Variants in KCTD17 observed in about 807,000 individuals in gnomAD.
KCTD17 encodes BTB/POZ domain-containing protein KCTD17.
KCTD17 carries 20 observed loss-of-function variants against 41.5 expected under a neutral mutation model. The observed-to-expected ratio is 0.48, with a 90% confidence interval of 0.34 to 0.70. KCTD17 has a LOEUF of 0.70. Ranked by LOEUF, KCTD17 falls within the 30% of genes least tolerant of loss-of-function variation. The pLI is 0.01. For synonymous variants in KCTD17, 156 were observed against 173.8 expected, an observed-to-expected ratio of 0.90 and a Z score of 0.80; for missense variants, 317 against 427.2, an observed-to-expected ratio of 0.74 and a Z score of 2.27.
In KCTD17 at chr22:37,061,713, G is replaced by T; in HGVS notation, c.875+84G>T. ...ATCCTTGGACTTGAGCCGAGCTTTC[G>T]GCTGATTATCTCCACCCACCAAAGT... is the stretch of plus-strand genomic sequence containing the variant. On this transcript the variant is annotated intron_variant, in intron 8 of 8. Transcript: ENST00000403888. The surrounding 1 kb of genome is among the most constrained non-coding windows in gnomAD (Gnocchi z 6.6). 6.7e-7 allele frequency: 1 copy of T among 1,497,996 alleles called. No individual in the cohort carries two copies. Among genetic ancestry groups the T allele is most frequent in the Non-Finnish European group, 8.9e-7 (1 of 1,119,670 alleles). The allele number at this position is 1,497,996 out of a possible 1,614,324, so 92.8% of individuals were successfully genotyped here.
At chr22:37,058,075 T>C (rs993222102) in intron 4 of KCTD17, among the ~76,000 whole-genome samples, 1 of 152,238 alleles carries the variant, frequency 6.6e-6, no homozygotes, top group Non-Finnish European at 1.5e-5. Flanking sequence ...CGAGGGACTT[T>C]ATCCCTAGTC....
chr22:37,061,482 C>T lies in KCTD17; in HGVS notation c.785-57C>T, dbSNP rs1568987501. On this transcript the variant is annotated intron_variant, in intron 7 of 8. Coordinates refer to ENST00000403888, the MANE Select transcript of KCTD17 (RefSeq NM_001282684.2). The surrounding 1 kb of genome is among the most constrained non-coding windows in gnomAD (Gnocchi z 6.6). ...CACCTCTGAGACTGGGCCCTGGCTG[C>T]AGGCCCTGCCCCCCCTCCTCTCCTC... is the stretch of plus-strand genomic sequence containing the variant. 1.3e-6 allele frequency: 2 copies of T among 1,555,408 alleles called. No homozygotes were observed. Among genetic ancestry groups the T allele is most frequent in the Non-Finnish European group, 1.7e-6 (2 of 1,154,614 alleles).
In KCTD17 at chr22:37,062,797, G is replaced by A. The variant is rs1162059861; in HGVS notation, c.*203G>A. ...AGTGGACTGCTCATGGCAGATGTGT[G>A]GCAATGTCTGGCTGTGTCTCTCCGG... On this transcript the variant is annotated 3_prime_UTR_variant, in exon 9 of 9. Coordinates refer to ENST00000403888, the MANE Select transcript of KCTD17 (RefSeq NM_001282684.2). 8 of 1,172,328 alleles carry A rather than the reference G, an allele frequency of 6.8e-6. No homozygotes were observed. The highest frequency in any genetic ancestry group is 2.6e-5 in the East Asian group (1 of 37,860). 72.6% of individuals were successfully genotyped at this position (1,172,328 alleles called of 1,614,324 possible).
intron 4 of KCTD17, 46 bp downstream of exon 4, chr22:37,057,539 C>T: frequency 2.0e-6 from 3 of 1,513,488 alleles, no homozygotes; most frequent in Non-Finnish European, 2.7e-6. Flanking sequence ...CCTGGGACCT[C>T]CTAGCCTCTG....
At position 37,057,264 on chromosome 22, in the gene KCTD17, C is replaced by A. The variant is rs544074937; in HGVS notation, c.391-134C>A. ...GTGCTCAGAGCATGGCTGCCTCCCC[C>A]CAACCACCTCTTCTTTCTCTCCCTC... On this transcript the variant is annotated intron_variant, in intron 3 of 8. Coordinates refer to ENST00000403888, the MANE Select transcript of KCTD17 (RefSeq NM_001282684.2). The A allele has an allele frequency of 2.1e-4, 157 of 744,756 alleles. 1 individual carries two copies. The highest frequency in any genetic ancestry group is 1.8e-3 in the African/African-American group (106 of 58,068). The allele number at this position is 744,756 out of a possible 1,614,324, so 46.1% of individuals were successfully genotyped here.
chr22:37,060,916 G>A lies in KCTD17; in HGVS notation c.706G>A (p.Glu236Lys), dbSNP rs370177467. The A allele has an allele frequency of 1.3e-6, 2 of 1,541,540 alleles. No homozygotes were observed. Among genetic ancestry groups the A allele is most frequent in the African/African-American group, 1.4e-5 (1 of 72,862 alleles). ...EQVQVEADAQ[E>K]KAQSSQDPAN... The stretch of plus-strand genomic sequence containing the variant: ...GGTGCAGGTGGAGGCAGATGCACAG[G>A]AGAAAGGTGCAGCCAACCCCCAGGA... Residue 236 changes from glutamate (E) to lysine (K), a missense_variant, in exon 6 of 9, where the codon GAG becomes AAG. This residue lies in a region of KCTD17 where 177 missense variants were observed against 194.4 expected (regional missense o/e 0.91). Transcript: ENST00000403888.
In KCTD17 at chr22:37,057,610, CA is replaced by C. The variant is rs148599535; in HGVS notation, c.486+119del. 1,636 of 747,584 alleles carry C rather than the reference CA, an allele frequency of 2.2e-3. 20 individuals are homozygous for C. The African/African-American group carries it at 0.023, about 10-fold the overall frequency. 46.3% of individuals were successfully genotyped at this position (747,584 alleles called of 1,614,324 possible). A position where few individuals can be genotyped will look rare whatever the true frequency, so the allele number is the denominator to read the frequency against. On this transcript the variant is annotated intron_variant, in intron 4 of 8. Coordinates refer to ENST00000403888, the MANE Select transcript of KCTD17 (RefSeq NM_001282684.2). The stretch of plus-strand genomic sequence containing the variant: ...TTGGGTTCCCCACCACAGTCTCCCC[CA>C]ACCCCAGGGTTCTTCTGAAATCAAA...
intron 8 of KCTD17, chr22:37,062,163 G>A (rs1205358714): frequency 3.0e-6 from 3 of 985,100 alleles, no homozygotes; most frequent in Non-Finnish European, 3.6e-6. Flanking sequence ...GGCTTCTTTC[G>A]CCTGGGGCAT....
chr22:37,060,801 G>A (rs1231293167), intron 5 of KCTD17, 22 bp from the exon 6 acceptor site: 1 of 1,472,828 alleles, frequency 6.8e-7, no homozygotes, highest in African/African-American at 1.4e-5. Context: ...TTTCTTCCCT[G>A]GGTCCGCCGG....
rs955002778 is a variant in KCTD17 at position 37,053,734 on chromosome 22, G to C, written c.298+526G>C. 1.5e-4 allele frequency among the ~76,000 whole-genome samples: 23 copies of C among 152,292 alleles called. No homozygotes were observed. Among genetic ancestry groups the C allele is most frequent in the Admixed American group, 4.6e-4 (7 of 15,304 alleles). ...TGGCTGTGGGTGGAGGCAGGAGAGG[G>C]GGGAGTCTGCTTCCCAGTGGGGCTT... is the stretch of plus-strand genomic sequence containing the variant. On this transcript the variant is annotated intron_variant, in intron 2 of 8. Transcript: ENST00000403888. The surrounding 1 kb of genome is among the most constrained non-coding windows in gnomAD (Gnocchi z 4.1).
rs945990162 is a variant in KCTD17, at chr22:37,056,226, A to G, written c.299-94A>G. On this transcript the variant is annotated intron_variant, in intron 2 of 8. Transcript: ENST00000403888. The stretch of plus-strand genomic sequence containing the variant: ...CAGCTCACCCTCAGGGCGGGTGATC[A>G]GAGCGAGAGGTGGGTTTCGGGGTGG... 11 of 1,013,518 alleles carry G rather than the reference A, an allele frequency of 1.1e-5. No individual in the cohort carries two copies. In the African/African-American group the frequency reaches 1.6e-4, roughly 15 times the overall value. 62.8% of individuals were successfully genotyped at this position (1,013,518 alleles called of 1,614,324 possible). A position where few individuals can be genotyped will look rare whatever the true frequency, so the allele number is the denominator to read the frequency against.
In KCTD17 at chr22:37,061,625, C is replaced by A. The variant is rs1455156756; in HGVS notation, c.871C>A (p.Pro291Thr). 1 of 1,597,194 alleles carries A rather than the reference C, an allele frequency of 6.3e-7. No homozygotes were observed. The highest frequency in any genetic ancestry group is 8.5e-7 in the Non-Finnish European group (1 of 1,178,330). ...CCTCGCCCGCCCCCAGAGCTGCCAT[C>A]CCTGGTTTGTAGCTTGGCGGTGCTG... The part of the protein sequence containing the change: ...RPLARPQSCH[P>T]CCYKPEAPGC... The change falls in exon 8 of 9, where the codon CCC becomes ACC. Residue 291 changes from proline to threonine, a missense_variant. Pro to Thr is a conservative substitution (Grantham distance 38). This residue lies in a region of KCTD17 where 177 missense variants were observed against 194.4 expected (regional missense o/e 0.91). Transcript: ENST00000403888. This position sits in a 1 kb window ranked among gnomAD's most constrained non-coding sequence, Gnocchi z 6.6.
At chr22:37,060,963 G>A (rs770223692) in intron 6 of KCTD17, 41 bp downstream of exon 6, 23 of 1,536,690 alleles carry the variant, frequency 1.5e-5, no homozygotes, top group South Asian at 6.1e-5. Flanking sequence ...AAGCAAAGCC[G>A]GAGCCTCCCG....
intron 8 of KCTD17, 62 bp from the exon 9 acceptor site, chr22:37,062,463 C>G: frequency 3.8e-6 from 6 of 1,564,678 alleles, no homozygotes; most frequent in Non-Finnish European, 5.2e-6. Flanking sequence ...GCATCACCCC[C>G]TCCTTACCGG....
chr22:37,054,455 A>C (rs1924858549), intron 2 of KCTD17, among the ~76,000 whole-genome samples: 1 of 151,442 alleles, frequency 6.6e-6, no homozygotes, highest in Non-Finnish European at 1.5e-5. Flanking sequence ...ACACAGGGCT[A>C]TCCGGAGGCT....
rs1156482495 is a variant in KCTD17 at position 37,051,862 on chromosome 22, G to T, written c.102G>T (p.Val34=). The change falls in exon 1 of 9, where the codon GTG becomes GTT. Residue 34 remains valine (V), a synonymous_variant. Transcript: ENST00000403888. ...KWVRLNVGGT[V]FLTTRQTLCR... is the part of the protein sequence containing the mutation. ...TGCGGCTCAACGTGGGGGGCACGGTGTTCCTGACCACCCGGCAGACGCTGT... is the reference window on the plus strand; with the variant it reads ...TGCGGCTCAACGTGGGGGGCACGGTTTTCCTGACCACCCGGCAGACGCTGT... 18 of 1,486,502 alleles carry T rather than the reference G, an allele frequency of 1.2e-5. No individual in the cohort carries two copies. Among genetic ancestry groups the T allele is most frequent in the Non-Finnish European group, 1.6e-5 (18 of 1,118,868 alleles). The allele number at this position is 1,486,502 out of a possible 1,614,324, so 92.1% of individuals were successfully genotyped here.
chr22:37,062,178 G>T, intron 8 of KCTD17: 1 of 985,322 alleles, frequency 1.0e-6, no homozygotes, highest in Non-Finnish European at 1.2e-6. Context: ...GGGCATCAGT[G>T]CCTCTCCCAG....
chr22:37,057,338 C>A, intron 3 of KCTD17, 60 bp from the exon 4 acceptor site: 2 of 1,344,206 alleles, frequency 1.5e-6, no homozygotes, highest in Non-Finnish European at 2.1e-6. Flanking sequence ...GGTGCTCATG[C>A]CCCTCCTGGG....
intron 1 of KCTD17, among the ~76,000 whole-genome samples, 188 bp from the exon 2 acceptor site, chr22:37,052,912 C>T (rs1924663276): frequency 2.0e-5 from 3 of 152,226 alleles, no homozygotes; most frequent in Admixed American, 2.0e-4. Flanking sequence ...TAAGGTCACA[C>T]ATTCAGGAAG....
Sources: allele counts gnomAD v4.1 joint callset (sites outside exome capture counted in the v4.1 genomes callset), GRCh38; gene constraint gnomAD v4.1.1; regional missense constraint gnomAD v4.1.1; non-coding constraint Gnocchi (gnomAD v3.1); transcripts MANE v1.5; gene names NCBI Gene and HGNC (gene_info 2026-07-23, HGNC 2026-07-21).